The following STYX variants were observed in gnomAD, a reference collection of about 807,000 sequenced individuals.
STYX encodes the protein serine/threonine/tyrosine-interacting protein.
Under a neutral mutation model 42.7 loss-of-function variants are expected in STYX, and 20 were observed. The observed-to-expected ratio is 0.47, with a 90% CI of 0.33 to 0.68. STYX has a LOEUF of 0.68. Ranked by LOEUF, STYX falls within the 30% of genes least tolerant of loss-of-function variation. The probability of loss-of-function intolerance (pLI) is 0.02; values close to 1 mark genes in which losing one functional copy is unlikely to be tolerated. For missense variants in STYX, 226 were observed against 268.5 expected, an observed-to-expected ratio of 0.84 and a Z score of 1.11; for synonymous variants, 78 against 81.9, an observed-to-expected ratio of 0.95 and a Z score of 0.26.
chr14:52,755,576 G>C (rs1266751504), intron 4 of STYX, among the ~76,000 whole-genome samples: 1 of 151,848 alleles, frequency 6.6e-6, no homozygotes, highest in East Asian at 1.9e-4. Context: ...AGTGGTCTTA[G>C]AAACGCTTAG....
intron 9 of STYX, among the ~76,000 whole-genome samples, chr14:52,762,778 A>G (rs1032827643): frequency 1.4e-5 from 2 of 148,142 alleles, no homozygotes; most frequent in African/African-American, 5.0e-5. Context: ...GTTATTCATT[A>G]TTTCATTCAT....
intron 9 of STYX, among the ~76,000 whole-genome samples, chr14:52,761,344 A>AAT (rs1882087868): frequency 6.6e-6 from 1 of 151,628 alleles, no homozygotes. Flanking sequence ...AAAAAAAAAA[A>AAT]GAATATTGGA....
Position 52,753,673 on chromosome 14 carries a change from G to A in STYX, c.243-2878G>A, listed in dbSNP as rs111674790. On this transcript the variant is annotated intron_variant, in intron 4 of 10. Coordinates refer to ENST00000354586, the MANE Select transcript of STYX (RefSeq NM_145251.4). ...GATTACTTCTAATACTTAGTACAGTGTAAGTGCTGTGTGAATAGTATTGGA... is the reference window on the plus strand; with the variant it reads ...GATTACTTCTAATACTTAGTACAGTATAAGTGCTGTGTGAATAGTATTGGA... Among the ~76,000 whole-genome samples, 1,417 of 152,198 alleles carry A rather than the reference G, an allele frequency of 9.3e-3. 20 individuals carry two copies. Among genetic ancestry groups the A allele is most frequent in the African/African-American group, 0.032 (1,345 of 41,534 alleles).
At position 52,757,327 on chromosome 14, in the gene STYX, A is replaced by G. The variant is rs1191940724; in HGVS notation, c.312A>G (p.Glu104=). ...ATGTCTTTTGCCTCCAGACTAAGGA[A>G]TTTATTGATGGGAGCTTACAAATGG... The part of the protein sequence containing the change: ...NIIRFFPMTK[E]FIDGSLQMGG... The change falls in exon 6 of 11, where the codon GAA becomes GAG. Residue 104 remains glutamate, a synonymous_variant. Coordinates refer to ENST00000354586, the MANE Select transcript of STYX (RefSeq NM_145251.4). The G allele has an allele frequency of 1.9e-6, 3 of 1,606,744 alleles. No individual in the cohort carries two copies. The highest frequency in any genetic ancestry group is 2.6e-6 in the Non-Finnish European group (3 of 1,175,452).
intron 5 of STYX, among the ~76,000 whole-genome samples, chr14:52,756,965 G>T (rs1012050927): frequency 6.6e-6 from 1 of 152,140 alleles, no homozygotes; most frequent in Non-Finnish European, 1.5e-5. Context: ...GGCATTACAG[G>T]CGTGAGCCAC....
At chr14:52,756,197 G>A (rs1489880804) in intron 4 of STYX, among the ~76,000 whole-genome samples, 1 of 152,048 alleles carries the variant, frequency 6.6e-6, no homozygotes, top group Non-Finnish European at 1.5e-5. Flanking sequence ...TTAATATTCT[G>A]TAGAGATGGA....
chr14:52,748,944 T>C (rs1881499393), intron 3 of STYX, among the ~76,000 whole-genome samples: 1 of 152,222 alleles, frequency 6.6e-6, no homozygotes, highest in Non-Finnish European at 1.5e-5. Flanking sequence ...ACAAAGATAA[T>C]TGAATTCTAA....
intron 6 of STYX, 102 bp downstream of exon 6, chr14:52,757,457 A>G (rs1378492686): frequency 4.5e-6 from 5 of 1,102,942 alleles, no homozygotes; most frequent in Non-Finnish European, 6.7e-6. Context: ...AGTTACAATT[A>G]TATGTAGTAG....
intron 1 of STYX, among the ~76,000 whole-genome samples, chr14:52,730,882 G>C (rs781288459): frequency 2.6e-5 from 4 of 152,212 alleles, no homozygotes; most frequent in African/African-American, 9.7e-5. Context: ...AATATCTGTG[G>C]TGTAAACGAT....
rs764667144 is a variant in STYX at position 52,771,126 on chromosome 14, G to GA, written c.*21dup. ...GGCTGACTTGAAGAGCAACATCATA[G>GA]AGTGTGAATTTCTATTTGGGAAGGA... is the stretch of plus-strand genomic sequence containing the variant. On this transcript the variant is annotated 3_prime_UTR_variant, in exon 11 of 11. Coordinates refer to ENST00000354586, the MANE Select transcript of STYX (RefSeq NM_145251.4). 1.3e-5 allele frequency: 21 copies of GA among 1,585,422 alleles called. No homozygotes were observed. The African/African-American group carries it at 2.6e-4, about 19-fold the overall frequency.
chr14:52,746,274 G>GAAA, intron 2 of STYX, 152 bp from the exon 3 acceptor site: 1 of 462,730 alleles, frequency 2.2e-6, no homozygotes, highest in Non-Finnish European at 3.6e-6. Context: ...ATTTTTTAAA[G>GAAA]AAAAAAAAAA....
chr14:52,751,465 TATGAAC>T (rs1208428868), intron 4 of STYX, among the ~76,000 whole-genome samples: 1 of 152,194 alleles, frequency 6.6e-6, no homozygotes, highest in Non-Finnish European at 1.5e-5. Context: ...GATATAAGAG[TATGAAC>T]ATTTTAAATT....
rs116126641 is a variant in STYX, at chr14:52,753,827, T to G, written c.243-2724T>G. On this transcript the variant is annotated intron_variant, in intron 4 of 10. Coordinates refer to ENST00000354586, the MANE Select transcript of STYX (RefSeq NM_145251.4). ...GGCTGACTCTTTACTTTTGTAGTGT[T>G]TTTTTTTTACACCATATTTAGTTTA... Among the ~76,000 whole-genome samples the G allele has an allele frequency of 5.4e-3, 814 of 150,972 alleles. 9 individuals carry two copies. The highest frequency in any genetic ancestry group is 0.019 in the African/African-American group (769 of 41,248).
At chr14:52,766,421 G>A (rs960297408) in intron 9 of STYX, among the ~76,000 whole-genome samples, 5 of 152,092 alleles carry the variant, frequency 3.3e-5, no homozygotes, top group African/African-American at 7.2e-5. Context: ...TGCCTGCCTC[G>A]GCCTCCCAAA....
At chr14:52,731,677 C>G (rs1182327459) in intron 1 of STYX, 1 of 151,942 alleles carries the variant, frequency 6.6e-6, no homozygotes, top group Non-Finnish European at 1.5e-5. Flanking sequence ...CCTTGTGATC[C>G]GCCCGACTCG....
intron 1 of STYX, among the ~76,000 whole-genome samples, chr14:52,730,819 C>G (rs2045508818): frequency 6.6e-6 from 1 of 152,212 alleles, no homozygotes; most frequent in South Asian, 2.1e-4. Context: ...TAAGGTTCCT[C>G]TTTTATTGTC....
intron 10 of STYX, among the ~76,000 whole-genome samples, chr14:52,770,296 CATT>C (rs1444074243): frequency 6.6e-6 from 1 of 152,200 alleles, no homozygotes; most frequent in East Asian, 1.9e-4. Context: ...TCTGAATTAA[CATT>C]ATTATTACCA....
intron 9 of STYX, among the ~76,000 whole-genome samples, chr14:52,767,705 C>G (rs1275672467): frequency 3.9e-5 from 6 of 152,090 alleles, no homozygotes; most frequent in Non-Finnish European, 8.8e-5. Flanking sequence ...AGAAGCAGAG[C>G]TCCTTATATC....
intron 2 of STYX, among the ~76,000 whole-genome samples, chr14:52,745,840 T>TG (rs1881375069): frequency 6.6e-6 from 1 of 152,156 alleles, no homozygotes; most frequent in African/African-American, 2.4e-5. Flanking sequence ...GGCATTTTAC[T>TG]TGGTGTTAGG....
Sources: allele counts gnomAD v4.1 joint callset (sites outside exome capture counted in the v4.1 genomes callset), GRCh38; gene constraint gnomAD v4.1.1; transcripts MANE v1.5; gene names NCBI Gene and HGNC (gene_info 2026-07-23, HGNC 2026-07-21).